KCNH7: variants seen among roughly 807,000 people sequenced by gnomAD.
The protein encoded by KCNH7 is voltage-gated inwardly rectifying potassium channel KCNH7.
Under a neutral mutation model 120.8 loss-of-function variants are expected in KCNH7, and 49 were observed. The ratio of observed to expected loss-of-function variants is 0.41; its 90% CI spans 0.32 to 0.51. The LOEUF is 0.51. KCNH7 is among the 20% of genes least tolerant of loss of function. The pLI is 0.38. For missense variants in KCNH7, 1,097 were observed against 1,446.6 expected (o/e 0.76, Z 3.92); for synonymous variants, 547 against 516.1 (o/e 1.06, Z -0.81).
intron 6 of KCNH7, among the ~76,000 whole-genome samples, chr2:162,473,453 C>T (rs1689633088): frequency 6.6e-6 from 1 of 152,076 alleles, no homozygotes; most frequent in South Asian, 2.1e-4. Context: ...ATCTTAACAA[C>T]TTGTTTGGGC....
intron 6 of KCNH7, among the ~76,000 whole-genome samples, chr2:162,478,064 A>G (rs1374910422): frequency 6.6e-6 from 1 of 152,230 alleles, no homozygotes; most frequent in Non-Finnish European, 1.5e-5. Flanking sequence ...GTGTGACTGG[A>G]TGAATTTAAC....
At position 162,748,924 on chromosome 2, in the gene KCNH7, T is replaced by C. The variant is rs1010672188; in HGVS notation, c.307+87613A>G. On this transcript the variant is annotated intron_variant, in intron 2 of 15. Transcript: ENST00000332142. ...CTTCCTTCCTTCCTTCCCTTCCCTT[T>C]CCTTTCCTTCCTTCCTTCCTTCCTT... 2.6e-3 allele frequency among the ~76,000 whole-genome samples: 148 copies of C among 58,038 alleles called. 7 individuals carry two copies. The highest frequency in any genetic ancestry group is 4.5e-3 in the South Asian group (6 of 1,326). The allele number at this position is 58,038 out of a possible 152,430, so 38.1% of individuals were successfully genotyped here. A position where few individuals can be genotyped will look rare whatever the true frequency, so the allele number is the denominator to read the frequency against.
chr2:162,483,940 T>C (rs1357804321), intron 6 of KCNH7, among the ~76,000 whole-genome samples: 1 of 152,036 alleles, frequency 6.6e-6, no homozygotes, highest in African/African-American at 2.4e-5. Flanking sequence ...AAACAGAGCA[T>C]ACAGGGATTA....
At chr2:162,532,563 C>G (rs757200164) in intron 3 of KCNH7, among the ~76,000 whole-genome samples, 6 of 151,900 alleles carry the variant, frequency 3.9e-5, no homozygotes, top group Non-Finnish European at 8.8e-5. Context: ...TCATATCTAC[C>G]TAGGCTGTCC....
chr2:162,749,455 C>T (rs10198788), intron 2 of KCNH7, among the ~76,000 whole-genome samples: 43,701 of 151,916 alleles, frequency 0.29, 10,707 homozygotes, highest in African/African-American at 0.66. Flanking sequence ...GGGCTTATGT[C>T]CTAATTTAGG....
intron 6 of KCNH7, among the ~76,000 whole-genome samples, chr2:162,488,410 C>T (rs375928113): frequency 6.6e-6 from 1 of 152,004 alleles, no homozygotes; most frequent in Non-Finnish European, 1.5e-5. Flanking sequence ...TTGAACATGC[C>T]TCAGATACAA....
At position 162,373,681 on chromosome 2, in the gene KCNH7, T is replaced by C. The variant is rs1446512545; in HGVS notation, c.3132-19A>G. 2 of 1,432,220 alleles carry C rather than the reference T, an allele frequency of 1.4e-6. No homozygotes were observed. The highest frequency in any genetic ancestry group is 3.2e-5 in the South Asian group (2 of 61,614). 88.7% of individuals were successfully genotyped at this position (1,432,220 alleles called of 1,614,324 possible). ...TTCAAGCCTACAGAACAGACAGAAG[T>C]AGGAAAAGACAGTCTAAAATAGTCC... On this transcript the variant is annotated intron_variant, in intron 14 of 15. Transcript: ENST00000332142.
At chr2:162,449,065 CA>C (rs1212554971) in intron 6 of KCNH7, among the ~76,000 whole-genome samples, 4 of 151,856 alleles carry the variant, frequency 2.6e-5, no homozygotes, top group Admixed American at 6.6e-5. Context: ...ACAGAATGAA[CA>C]AGGGTAAGAA....
intron 9 of KCNH7, among the ~76,000 whole-genome samples, chr2:162,412,590 A>G (rs1394554361): frequency 6.6e-6 from 1 of 152,168 alleles, no homozygotes; most frequent in Non-Finnish European, 1.5e-5. Context: ...TGGCAAACAC[A>G]GTAAGGGCAC....
intron 3 of KCNH7, among the ~76,000 whole-genome samples, chr2:162,526,833 A>C (rs1405127825): frequency 6.6e-6 from 1 of 152,088 alleles, no homozygotes; most frequent in Admixed American, 6.5e-5. Context: ...TAAGAGATTA[A>C]AGTAAAGACA....
intron 2 of KCNH7, among the ~76,000 whole-genome samples, chr2:162,781,250 T>C (rs186204341): frequency 1.5e-4 from 23 of 152,130 alleles, no homozygotes; most frequent in Admixed American, 1.3e-3. Context: ...CTCATCCCCA[T>C]AAAAGCCTCA....
chr2:162,484,905 G>A (rs1690045243), intron 6 of KCNH7, among the ~76,000 whole-genome samples: 1 of 152,136 alleles, frequency 6.6e-6, no homozygotes, highest in Non-Finnish European at 1.5e-5. Context: ...GCCCTCACCA[G>A]ATGCAGATGC....
At chr2:162,595,268 C>G (rs901829997) in intron 2 of KCNH7, among the ~76,000 whole-genome samples, 2 of 151,884 alleles carry the variant, frequency 1.3e-5, no homozygotes, top group African/African-American at 4.8e-5. Context: ...GCTTGTAAAA[C>G]CATCAGATCT....
At chr2:162,710,877 T>TC (rs1161175380) in intron 2 of KCNH7, among the ~76,000 whole-genome samples, 1 of 152,086 alleles carries the variant, frequency 6.6e-6, no homozygotes, top group Admixed American at 6.6e-5. Context: ...TGACTCAAAT[T>TC]CTTCTAATAT....
chr2:162,455,638 A>T (rs1419626808), intron 6 of KCNH7, among the ~76,000 whole-genome samples: 1 of 152,000 alleles, frequency 6.6e-6, no homozygotes, highest in Non-Finnish European at 1.5e-5. Context: ...TTATTCAGGG[A>T]TTTGATTTCT....
At chr2:162,476,388 A>G (rs1254529052) in intron 6 of KCNH7, among the ~76,000 whole-genome samples, 1 of 152,238 alleles carries the variant, frequency 6.6e-6, no homozygotes, top group East Asian at 1.9e-4. Flanking sequence ...ATCTTAATAC[A>G]TTCAGTAATT....
intron 2 of KCNH7, among the ~76,000 whole-genome samples, chr2:162,624,023 C>T (rs1159249827): frequency 6.6e-6 from 1 of 152,276 alleles, no homozygotes; most frequent in African/African-American, 2.4e-5. Flanking sequence ...CCTGCTCTGT[C>T]TTGCCCCAAA....
chr2:162,720,755 T>C (rs1038190269), intron 2 of KCNH7, among the ~76,000 whole-genome samples: 8 of 152,134 alleles, frequency 5.3e-5, no homozygotes, highest in African/African-American at 1.9e-4. Context: ...ATGAATAAGA[T>C]GAAAGTGAAG....
chr2:162,593,802 A>T (rs935571818), intron 2 of KCNH7, among the ~76,000 whole-genome samples: 4 of 152,002 alleles, frequency 2.6e-5, no homozygotes, highest in African/African-American at 9.7e-5. Flanking sequence ...AGTATCCCTA[A>T]TCCATACTGC....
Sources: gnomAD v4.1 joint callset for allele counts (sites outside exome capture counted in the v4.1 genomes callset) on GRCh38, gnomAD v4.1.1 for gene constraint, MANE v1.5 for transcripts, NCBI Gene and HGNC (gene_info 2026-07-23, HGNC 2026-07-21) for gene names.